CDH23: variants seen among roughly 807,000 people sequenced by gnomAD.
CDH23 encodes cadherin related 23, also known as cadherin-23.
A neutral mutation model predicts 317.1 loss-of-function variants in CDH23; 189 were observed. That is an observed-to-expected ratio of 0.60 (90% confidence interval 0.53 to 0.67). The LOEUF (loss-of-function observed/expected upper bound fraction) is 0.67. CDH23 is among the 30% of genes least tolerant of loss of function. The pLI is 0.00. For synonymous variants in CDH23, 1,839 were observed against 1,876.8 expected (o/e 0.98, Z 0.52); for missense variants, 4,401 against 4,592.4 (o/e 0.96, Z 1.20).
At chr10:71,567,052 A>T in intron 7 of CDH23, 116 bp downstream of exon 7, 1 of 938,514 alleles carries the variant, frequency 1.1e-6, no homozygotes, top group Non-Finnish European at 1.6e-6. Flanking sequence ...ATGATCTATA[A>T]TAATTATAGT....
intron 42 of CDH23, 101 bp downstream of exon 42, chr10:71,784,521 A>G: frequency 6.7e-7 from 1 of 1,488,724 alleles, no homozygotes; most frequent in African/African-American, 1.4e-5. Context: ...GAGAGGCCAC[A>G]GGCTGCCCTG....
intron 6 of CDH23, among the ~76,000 whole-genome samples, chr10:71,533,496 C>T (rs562798991): frequency 2.0e-5 from 3 of 151,152 alleles, no homozygotes; most frequent in South Asian, 2.1e-4. Context: ...TAGAAACCCA[C>T]GCAATTGTGA....
chr10:71,476,487 A>T (rs757934105), intron 3 of CDH23, among the ~76,000 whole-genome samples: 6 of 152,132 alleles, frequency 3.9e-5, no homozygotes, highest in Admixed American at 3.9e-4. Context: ...CCCAGCTCCA[A>T]TTTGCTCCTG....
chr10:71,603,874 A>T (rs372689667), intron 9 of CDH23, among the ~76,000 whole-genome samples: 1 of 152,220 alleles, frequency 6.6e-6, no homozygotes, highest in South Asian at 2.1e-4. Context: ...TGCTGGCTTC[A>T]CACGGTATTT....
intron 22 of CDH23, among the ~76,000 whole-genome samples, 153 bp from the exon 23 acceptor site, chr10:71,701,869 C>T (rs1193052100): frequency 1.3e-5 from 2 of 152,160 alleles, no homozygotes; most frequent in Non-Finnish European, 2.9e-5. Context: ...TCTCGGACCC[C>T]CCTACCGGGC....
At chr10:71,458,254 G>C (rs1265726020) in intron 3 of CDH23, among the ~76,000 whole-genome samples, 1 of 152,242 alleles carries the variant, frequency 6.6e-6, no homozygotes, top group Non-Finnish European at 1.5e-5. Flanking sequence ...CCAAGAAAGG[G>C]CTTGGATGGC....
intron 1 of CDH23, among the ~76,000 whole-genome samples, chr10:71,438,797 C>T (rs1213337805): frequency 1.3e-5 from 2 of 152,206 alleles, no homozygotes; most frequent in Non-Finnish European, 2.9e-5. Context: ...TCTGATGGCT[C>T]TAAGCCTACT....
At position 71,420,031 on chromosome 10, in the gene CDH23, G is replaced by A. The variant is rs529105218; in HGVS notation, c.-5-19796G>A. Among the ~76,000 whole-genome samples the A allele has an allele frequency of 6.6e-5, 10 of 152,294 alleles. No individual in the cohort carries two copies. In the South Asian group the frequency reaches 2.1e-3, roughly 32 times the overall value. ...CTCAGCAGCTATAGCTGGTGCTCAG[G>A]AAGGGTTTATTGAGCCAATGAATTA... On this transcript the variant is annotated intron_variant, in intron 1 of 69. Transcript: ENST00000224721.
rs886825911 is a variant in CDH23 at position 71,739,618 on chromosome 10, C to T, written c.4360-26C>T. Reference sequence around the variant, plus strand: ...GCCACCTCTCCTCCACACCTGCTCACCCCTCACCCTCTCTTCTCCCCACAG... The same window carrying T: ...GCCACCTCTCCTCCACACCTGCTCATCCCTCACCCTCTCTTCTCCCCACAG... On this transcript the variant is annotated intron_variant, in intron 35 of 69. Coordinates refer to ENST00000224721, the MANE Select transcript of CDH23 (RefSeq NM_022124.6). 3.1e-6 allele frequency: 5 copies of T among 1,609,904 alleles called. No individual in the cohort carries two copies. In the African/African-American group the frequency reaches 5.3e-5, roughly 17 times the overall value.
At chr10:71,462,424 G>C (rs1377761275) in intron 3 of CDH23, among the ~76,000 whole-genome samples, 1 of 152,220 alleles carries the variant, frequency 6.6e-6, no homozygotes, top group Non-Finnish European at 1.5e-5. Flanking sequence ...GGGGCTTCAG[G>C]GAGGAGGAGA....
intron 1 of CDH23, among the ~76,000 whole-genome samples, chr10:71,435,439 CTGGCACAAAGTT>C (rs1308747628): frequency 3.3e-5 from 5 of 152,206 alleles, no homozygotes; most frequent in Non-Finnish European, 7.3e-5. Flanking sequence ...CCCACTGTGC[CTGGCACAAAGTT>C]TGGCATGAAG....
At chr10:71,533,492 C>T (rs187656830) in intron 6 of CDH23, among the ~76,000 whole-genome samples, 14 of 151,562 alleles carry the variant, frequency 9.2e-5, no homozygotes, top group African/African-American at 3.2e-4. Flanking sequence ...CAAGTAGAAA[C>T]CCACGCAATT....
intron 9 of CDH23, among the ~76,000 whole-genome samples, chr10:71,609,983 TGTGTGTGTGTGTGA>T (rs1215837151): frequency 7.9e-6 from 1 of 127,064 alleles, no homozygotes; most frequent in African/African-American, 3.4e-5. Flanking sequence ...TGTGTGTGTG[TGTGTGTGTGTGTGA>T]GAGAGACAGA....
intron 6 of CDH23, among the ~76,000 whole-genome samples, chr10:71,560,377 C>T (rs1753526558): frequency 6.6e-6 from 1 of 152,080 alleles, no homozygotes; most frequent in Non-Finnish European, 1.5e-5. Flanking sequence ...GCTACAGCTC[C>T]CCACCAAACC....
At chr10:71,439,760 G>C in intron 1 of CDH23, 67 bp from the exon 2 acceptor site, 1 of 1,181,356 alleles carries the variant, frequency 8.5e-7, no homozygotes, top group Non-Finnish European at 1.2e-6. Flanking sequence ...AGGTGGGAGG[G>C]GCTGAGGAGC....
intron 1 of CDH23, among the ~76,000 whole-genome samples, chr10:71,438,347 C>CAAAAAAAAAAAAAAAAAAAGAAAAA (rs10596696): frequency 1.0e-5 from 1 of 98,360 alleles, no homozygotes; most frequent in Non-Finnish European, 2.2e-5. Context: ...CTGTCTCAAA[C>CAAAAAAAAAAAAAAAAAAAGAAAAA]AAAAAAAAAA....
At chr10:71,558,516 T>C (rs755763236) in intron 6 of CDH23, among the ~76,000 whole-genome samples, 7 of 152,248 alleles carry the variant, frequency 4.6e-5, no homozygotes, top group Admixed American at 1.3e-4. Context: ...TGTTGTGTCT[T>C]GTCTTTCTGA....
At chr10:71,703,034 C>A (rs1159886726) in intron 24 of CDH23, among the ~76,000 whole-genome samples, 1 of 152,140 alleles carries the variant, frequency 6.6e-6, no homozygotes, top group Non-Finnish European at 1.5e-5. Context: ...TGAGTGTAGC[C>A]CTGGGCATCT....
At position 71,682,611 on chromosome 10, in the gene CDH23, A is replaced by G. The variant is rs147243478; in HGVS notation, c.1986+39A>G. 70 of 1,606,936 alleles carry G rather than the reference A, an allele frequency of 4.4e-5. No homozygotes were observed. The African/African-American group carries it at 4.9e-4, about 11-fold the overall frequency. On this transcript the variant is annotated intron_variant, in intron 18 of 69. Transcript: ENST00000224721. ...GCCACTGGCCTTGCCCTGCTAGTGT[A>G]AGGGATGGTGAGTGCTTCCTGTGAA...
Sources: gnomAD v4.1 joint callset for allele counts (sites outside exome capture counted in the v4.1 genomes callset) on GRCh38, gnomAD v4.1.1 for gene constraint, MANE v1.5 for transcripts, NCBI Gene and HGNC (gene_info 2026-07-23, HGNC 2026-07-21) for gene names.